Variants in PIEZO1 observed in about 807,000 individuals in gnomAD.
PIEZO1 encodes piezo-type mechanosensitive ion channel component 1.
A neutral mutation model predicts 297.2 loss-of-function variants in PIEZO1; 296 were observed. That is an observed-to-expected ratio of 1.00 (90% CI 0.91 to 1.10). PIEZO1 has a LOEUF of 1.10. Among genes scored for constraint, PIEZO1 ranks in the 50% least tolerant of loss-of-function variants. The pLI, the probability that PIEZO1 is intolerant of heterozygous loss-of-function variation, is 0.00. For synonymous variants in PIEZO1, 2,427 were observed against 1,507.5 expected (o/e 1.61, Z -14.13); for missense variants, 5,018 against 3,455.5 (o/e 1.45, Z -11.34).
chr16:88,738,845 C>G, intron 5 of PIEZO1, 109 bp from the exon 6 acceptor site: 1 of 1,005,434 alleles, frequency 9.9e-7, no homozygotes, highest in South Asian at 1.6e-5. Flanking sequence ...TCCACAGCTG[C>G]TCCTCTGAGG....
At chr16:88,778,069 A>T (rs1907748732) in intron 1 of PIEZO1, among the ~76,000 whole-genome samples, 1 of 152,094 alleles carries the variant, frequency 6.6e-6, no homozygotes, top group Non-Finnish European at 1.5e-5. Context: ...GTTTTCCCCG[A>T]GGCTGGAGGC....
chr16:88,742,843 G>A, intron 2 of PIEZO1: 1 of 349,824 alleles, frequency 2.9e-6, no homozygotes, highest in South Asian at 2.1e-5. Context: ...AGAGCATGCG[G>A]AGCGCCCCTG....
At chr16:88,747,969 C>A (rs1022201892) in intron 2 of PIEZO1, among the ~76,000 whole-genome samples, 1 of 152,172 alleles carries the variant, frequency 6.6e-6, no homozygotes, top group Non-Finnish European at 1.5e-5. Flanking sequence ...CCTGGAAAAA[C>A]GCAGCCCGGT....
intron 19 of PIEZO1, 21 bp from the exon 20 acceptor site, chr16:88,732,753 A>C (rs1309361864): frequency 4.6e-6 from 7 of 1,529,354 alleles, no homozygotes; most frequent in Non-Finnish European, 5.3e-6. Flanking sequence ...GCCAGGCATC[A>C]GTGCCCCCTC....
chr16:88,715,743 G>A lies in PIEZO1; in HGVS notation c.7428C>T (p.Arg2476=). Residue 2476 remains arginine (R), a synonymous_variant, in exon 51 of 51, where the codon CGC becomes CGT. Coordinates refer to ENST00000301015, the MANE Select transcript of PIEZO1 (RefSeq NM_001142864.4). ...IMFEELPCVD[R]ILKLCQDIFL... The stretch of plus-strand genomic sequence containing the variant: ...AGATGTCCTGGCAGAGCTTGAGGAT[G>A]CGGTCCACGCACGGCAGCTCCTCGA... 2 of 1,550,468 alleles carry A rather than the reference G, an allele frequency of 1.3e-6. No individual in the cohort carries two copies. The highest frequency in any genetic ancestry group is 1.7e-6 in the Non-Finnish European group (2 of 1,146,986).
intron 10 of PIEZO1, 23 bp from the exon 11 acceptor site, chr16:88,736,762 G>GCTT (rs1567674823): frequency 2.8e-6 from 4 of 1,448,328 alleles, no homozygotes; most frequent in Non-Finnish European, 3.7e-6. Context: ...ACAGCGGTCA[G>GCTT]CTTCGGCAGG....
intron 1 of PIEZO1, among the ~76,000 whole-genome samples, chr16:88,776,375 A>G (rs567230629): frequency 1.3e-5 from 2 of 152,166 alleles, no homozygotes; most frequent in South Asian, 4.1e-4. Context: ...CAGAGCTTGC[A>G]GTGAGCCCAG....
In PIEZO1 at chr16:88,736,250, G is replaced by A. The variant is rs1425760062; in HGVS notation, c.1455C>T (p.Ala485=). The change falls in exon 12 of 51, where the codon GCC becomes GCT. Residue 485 remains alanine (A), a synonymous_variant. Transcript: ENST00000301015. ...MTLCCLRYVW[A]MDLRPELPTT... is the part of the protein sequence containing the mutation. Reference sequence around the variant, plus strand: ...TGGGCAGCTCAGGGCGCAGGTCCATGGCCCACACGTAGCGTAGGCAGCACA... The same window carrying A: ...TGGGCAGCTCAGGGCGCAGGTCCATAGCCCACACGTAGCGTAGGCAGCACA... 2 of 1,549,970 alleles carry A rather than the reference G, an allele frequency of 1.3e-6. No individual in the cohort carries two copies. The highest frequency in any genetic ancestry group is 1.2e-5 in the South Asian group (1 of 84,050).
chr16:88,729,918 AC>A (rs1427639349), intron 22 of PIEZO1, among the ~76,000 whole-genome samples: 2 of 152,248 alleles, frequency 1.3e-5, no homozygotes, highest in Non-Finnish European at 2.9e-5. Flanking sequence ...CGATACAAAA[AC>A]AAAGTTACCC....
chr16:88,772,984 A>G (rs564837913), intron 1 of PIEZO1, among the ~76,000 whole-genome samples: 2 of 152,242 alleles, frequency 1.3e-5, no homozygotes, highest in South Asian at 2.1e-4. Context: ...AGCTGGCCCC[A>G]GGGGTGCCTG....
At chr16:88,748,624 CAG>C (rs1369382059) in intron 2 of PIEZO1, among the ~76,000 whole-genome samples, 2 of 152,116 alleles carry the variant, frequency 1.3e-5, no homozygotes, top group Non-Finnish European at 1.5e-5. Flanking sequence ...CTGGAGCCTG[CAG>C]AGAGTGGGCA....
chr16:88,771,390 C>G (rs1397313225), intron 1 of PIEZO1, among the ~76,000 whole-genome samples: 2 of 152,122 alleles, frequency 1.3e-5, no homozygotes, highest in Non-Finnish European at 2.9e-5. Context: ...GCGGCGACAA[C>G]AAGAAACCAG....
At chr16:88,728,075 G>C (rs571543171) in intron 22 of PIEZO1, among the ~76,000 whole-genome samples, 1 of 152,276 alleles carries the variant, frequency 6.6e-6, no homozygotes, top group Non-Finnish European at 1.5e-5. Context: ...TGCTCAGCAC[G>C]TGGGACCGGG....
chr16:88,782,567 G>A (rs1227907028), intron 1 of PIEZO1, among the ~76,000 whole-genome samples: 2 of 152,176 alleles, frequency 1.3e-5, no homozygotes, highest in Non-Finnish European at 2.9e-5. Flanking sequence ...GGGAGGGCGT[G>A]GGGGCCAGGG....
In PIEZO1 at chr16:88,760,628, C is replaced by T. The variant is rs573684877; in HGVS notation, c.65-11149G>A. 2.2e-4 allele frequency among the ~76,000 whole-genome samples: 34 copies of T among 152,082 alleles called. No homozygotes were observed. In the South Asian group the frequency reaches 6.9e-3, roughly 31 times the overall value. ...AGGGAGCCCAGGACAGGCAGGGGCC[C>T]GAGGGGAGCCACCCGTCTTCGAGGC... is the stretch of plus-strand genomic sequence containing the variant. On this transcript the variant is annotated intron_variant, in intron 1 of 50. Coordinates refer to ENST00000301015, the MANE Select transcript of PIEZO1 (RefSeq NM_001142864.4).
chr16:88,763,553 C>A (rs1041225378), intron 1 of PIEZO1, among the ~76,000 whole-genome samples: 3 of 152,244 alleles, frequency 2.0e-5, no homozygotes, highest in Admixed American at 1.3e-4. Flanking sequence ...CAGGAAGGCA[C>A]TGACATGCCT....
In PIEZO1 at chr16:88,720,516, G is replaced by C. The variant is rs756831593; in HGVS notation, c.5818C>G (p.Arg1940Gly). ...TCGTGGAAGAAGCGCCGTAGCGGCCGATATGTGCCCTGGGCCCTGCGGAAG... is the reference window on the plus strand; with the variant it reads ...TCGTGGAAGAAGCGCCGTAGCGGCCCATATGTGCCCTGGGCCCTGCGGAAG... ...FCLSLAQGTY[R>G]PLRRFFHDIL... is the part of the protein sequence containing the mutation. Residue 1940 changes from arginine (R) to glycine (G), a missense_variant, in exon 41 of 51, where the codon CGG becomes GGG. Coordinates refer to ENST00000301015, the MANE Select transcript of PIEZO1 (RefSeq NM_001142864.4). The C allele has an allele frequency of 1.9e-6, 3 of 1,550,014 alleles. No homozygotes were observed. Among genetic ancestry groups the C allele is most frequent in the East Asian group, 2.4e-5 (1 of 40,938 alleles).
At chr16:88,757,331 G>GT (rs1369087134) in intron 1 of PIEZO1, among the ~76,000 whole-genome samples, 30 of 117,400 alleles carry the variant, frequency 2.6e-4, no homozygotes, top group African/African-American at 1.3e-3. Context: ...GGGGGGTGGG[G>GT]GGTAGTTACC....
intron 2 of PIEZO1, 75 bp from the exon 3 acceptor site, chr16:88,742,497 A>G (rs1273321410): frequency 1.4e-6 from 2 of 1,468,452 alleles, no homozygotes; most frequent in East Asian, 2.5e-5. Flanking sequence ...CAGCCGGACA[A>G]TAGCCCCCAG....
Sources: gnomAD v4.1 joint callset for allele counts (sites outside exome capture counted in the v4.1 genomes callset) on GRCh38, gnomAD v4.1.1 for gene constraint, MANE v1.5 for transcripts, NCBI Gene and HGNC (gene_info 2026-07-23, HGNC 2026-07-21) for gene names.